The following MICAL3 variants were observed in gnomAD, a reference collection of about 807,000 sequenced individuals.
MICAL3 encodes the protein microtubule associated monooxygenase, calponin and LIM domain containing 3, also known as [F-actin]-monooxygenase MICAL3.
Under a neutral mutation model 207.4 loss-of-function variants are expected in MICAL3, and 62 were observed. The ratio of observed to expected loss-of-function variants is 0.30; its 90% CI spans 0.24 to 0.37. The LOEUF is 0.37. Ranked by LOEUF, MICAL3 falls within the 10% of genes least tolerant of loss-of-function variation. MICAL3 has a pLI of 1.00. For synonymous variants in MICAL3, 1,077 were observed against 1,069.3 expected, an observed-to-expected ratio of 1.01 and a Z score of -0.14; for missense variants, 2,368 against 2,635.6, an observed-to-expected ratio of 0.90 and a Z score of 2.22.
intron 16 of MICAL3, among the ~76,000 whole-genome samples, chr22:17,878,371 G>A (rs1236745750): frequency 6.6e-6 from 1 of 152,204 alleles, no homozygotes; most frequent in Non-Finnish European, 1.5e-5. Flanking sequence ...GCGAGGCCAT[G>A]GAAAGGGGGT....
At chr22:17,810,304 C>A (rs1230694021) in intron 28 of MICAL3, among the ~76,000 whole-genome samples, 3 of 152,072 alleles carry the variant, frequency 2.0e-5, no homozygotes, top group Admixed American at 1.3e-4. Flanking sequence ...ACCTTGTGAT[C>A]CGCCCGCCTT....
rs531558911 is a variant in MICAL3 at position 17,904,878 on chromosome 22, C to T, written c.265-39G>A. Reference sequence around the variant, plus strand: ...CTGCTTTCAGGGCAGGCGGCACTTCCAACAAACAATTCTCAAGAAGTCTCA... The same window carrying T: ...CTGCTTTCAGGGCAGGCGGCACTTCTAACAAACAATTCTCAAGAAGTCTCA... On this transcript the variant is annotated intron_variant, in intron 2 of 31. Coordinates refer to ENST00000441493, the MANE Select transcript of MICAL3 (RefSeq NM_015241.3). 19 of 1,417,732 alleles carry T rather than the reference C, an allele frequency of 1.3e-5. No homozygotes were observed. The African/African-American group carries it at 2.5e-4, about 19-fold the overall frequency. The allele number at this position is 1,417,732 out of a possible 1,614,324, so 87.8% of individuals were successfully genotyped here. A position where few individuals can be genotyped will look rare whatever the true frequency, so the allele number is the denominator to read the frequency against.
At chr22:18,003,469 A>G (rs1227356979) in intron 1 of MICAL3, among the ~76,000 whole-genome samples, 1 of 151,990 alleles carries the variant, frequency 6.6e-6, no homozygotes, top group Non-Finnish European at 1.5e-5. Context: ...AACAAACCCC[A>G]CTGCTCACCC....
rs973130396 is a variant in MICAL3, at chr22:17,902,835, C to T, written c.473-88G>A. Reference sequence around the variant, plus strand: ...GCAGCTCAGGCTCCCACCCCGCCACCTACGCCCCCTTCATTCAGATTCCCA... The same window carrying T: ...GCAGCTCAGGCTCCCACCCCGCCACTTACGCCCCCTTCATTCAGATTCCCA... On this transcript the variant is annotated intron_variant, in intron 3 of 31. Coordinates refer to ENST00000441493, the MANE Select transcript of MICAL3 (RefSeq NM_015241.3). This position sits in a 1 kb window ranked among gnomAD's most constrained non-coding sequence, Gnocchi z 4.5. The T allele has an allele frequency of 2.7e-6, 2 of 742,924 alleles. No homozygotes were observed. Among genetic ancestry groups the T allele is most frequent in the Admixed American group, 2.3e-5 (1 of 43,236 alleles). The allele number at this position is 742,924 out of a possible 1,614,324, so 46.0% of individuals were successfully genotyped here.
intron 18 of MICAL3, among the ~76,000 whole-genome samples, chr22:17,865,396 T>A (rs1926981148): frequency 6.6e-6 from 1 of 152,020 alleles, no homozygotes; most frequent in Non-Finnish European, 1.5e-5. Context: ...CAAAGACAGG[T>A]GGAGAAGCCA....
At chr22:18,000,426 C>G (rs79170136) in intron 1 of MICAL3, among the ~76,000 whole-genome samples, 1,821 of 152,320 alleles carry the variant, frequency 0.012, 17 homozygotes, top group Non-Finnish European at 0.02. Context: ...AGCCAAGATA[C>G]GGGGCTGGTC....
chr22:17,881,352 C>A, intron 16 of MICAL3: 1 of 1,477,334 alleles, frequency 6.8e-7, no homozygotes, highest in Non-Finnish European at 9.3e-7. Flanking sequence ...CAAACAGTGG[C>A]CATGTGGAAG....
intron 1 of MICAL3, among the ~76,000 whole-genome samples, chr22:17,960,845 G>A (rs2146383969): frequency 6.6e-6 from 1 of 152,308 alleles, no homozygotes; most frequent in East Asian, 1.9e-4. Flanking sequence ...GACCGAAGGA[G>A]CCAGCACGGG....
chr22:17,936,968 C>G (rs112934527), intron 1 of MICAL3, among the ~76,000 whole-genome samples: 23 of 152,146 alleles, frequency 1.5e-4, no homozygotes, highest in African/African-American at 5.3e-4. Context: ...TGACTACGCA[C>G]GTGTCCCCAA....
At chr22:17,891,865 G>A (rs568743244) in intron 11 of MICAL3, among the ~76,000 whole-genome samples, 11 of 152,268 alleles carry the variant, frequency 7.2e-5, no homozygotes, top group Non-Finnish European at 1.3e-4. Context: ...TAAGGTCAAC[G>A]TCCACCCCCC....
chr22:18,024,153 G>C (rs1924654801), intron 1 of MICAL3, 128 bp downstream of exon 1: 1 of 152,274 alleles, frequency 6.6e-6, no homozygotes, highest in South Asian at 2.1e-4. Flanking sequence ...GAAACACAAA[G>C]ATGTCACAAA....
At chr22:17,984,782 C>A (rs1936080438) in intron 1 of MICAL3, among the ~76,000 whole-genome samples, 1 of 152,128 alleles carries the variant, frequency 6.6e-6, no homozygotes, top group African/African-American at 2.4e-5. Context: ...TTCATTTGAT[C>A]CTCACAAAAA....
At chr22:17,983,474 C>T (rs1936018806) in intron 1 of MICAL3, 1 of 152,256 alleles carries the variant, frequency 6.6e-6, no homozygotes, top group Non-Finnish European at 1.5e-5. Flanking sequence ...CCATCTCTAC[C>T]TATTATCCTC....
intron 19 of MICAL3, among the ~76,000 whole-genome samples, chr22:17,849,509 A>AT (rs1400070099): frequency 7.5e-5 from 11 of 147,288 alleles, no homozygotes; most frequent in Admixed American, 2.7e-4. Flanking sequence ...TAATTTTTGA[A>AT]TTTTTTTTAG....
At chr22:17,816,631 G>C in intron 27 of MICAL3, 59 bp downstream of exon 27, 6 of 1,360,006 alleles carry the variant, frequency 4.4e-6, no homozygotes, top group Non-Finnish European at 6.2e-6. Context: ...CCCCACCAAA[G>C]CCCAACAATG....
chr22:18,015,422 CTTTT>C (rs34098867), intron 1 of MICAL3, among the ~76,000 whole-genome samples: 6 of 105,608 alleles, frequency 5.7e-5, no homozygotes, highest in Non-Finnish European at 5.5e-5. Flanking sequence ...TAAGACTCAT[CTTTT>C]TTTTTTTTTT....
chr22:17,818,599 G>T lies in MICAL3; in HGVS notation c.4062C>A (p.Pro1354=). 1 of 1,613,648 alleles carries T rather than the reference G, an allele frequency of 6.2e-7. No individual in the cohort carries two copies. Among genetic ancestry groups the T allele is most frequent in the Non-Finnish European group, 8.5e-7 (1 of 1,179,894 alleles). The change falls in exon 26 of 32, where the codon CCC becomes CCA. Residue 1354 remains proline, a synonymous_variant. Transcript: ENST00000441493. ...DRSKGPEPSF[P]TPAFRPVSLK... ...GGGACACTGGCCTGAAGGCAGGCGT[G>T]GGGAAGCTGGGCTCGGGCCCCTTGC...
intron 1 of MICAL3, among the ~76,000 whole-genome samples, chr22:17,997,140 T>C (rs1433492315): frequency 7.1e-6 from 1 of 141,172 alleles, no homozygotes; most frequent in East Asian, 2.4e-4. Flanking sequence ...CTCAGCTCAC[T>C]GCAACCTCGG....
Position 17,981,078 on chromosome 22 carries a change from A to C in MICAL3, c.-75+43203T>G, listed in dbSNP as rs1232332265. ...CAGACTGGTCTCCAAAAACATGTGC[A>C]TGTATTTATATGGACACATTTATTT... On this transcript the variant is annotated intron_variant, in intron 1 of 31. Transcript: ENST00000441493. The C allele has an allele frequency of 2.9e-5, 9 of 314,408 alleles. No homozygotes were observed. The Admixed American group carries it at 3.1e-4, about 11-fold the overall frequency. 19.5% of individuals were successfully genotyped at this position (314,408 alleles called of 1,614,324 possible). A position where few individuals can be genotyped will look rare whatever the true frequency, so the allele number is the denominator to read the frequency against.
Sources: allele counts gnomAD v4.1 joint callset (sites outside exome capture counted in the v4.1 genomes callset), GRCh38; gene constraint gnomAD v4.1.1; non-coding constraint Gnocchi (gnomAD v3.1); transcripts MANE v1.5; gene names NCBI Gene and HGNC (gene_info 2026-07-23, HGNC 2026-07-21).